CLIP1: variants seen among roughly 807,000 people sequenced by gnomAD.
CLIP1 encodes CAP-Gly domain-containing linker protein 1.
In CLIP1, 66 loss-of-function variants were observed where a neutral mutation model predicts 161.6. The observed-to-expected ratio is 0.41, with a 90% CI of 0.33 to 0.50. The LOEUF (loss-of-function observed/expected upper bound fraction) is 0.50. CLIP1 is among the 20% of genes least tolerant of loss of function. The probability of loss-of-function intolerance (pLI) is 0.27; values close to 1 mark genes in which losing one functional copy is unlikely to be tolerated. For synonymous variants in CLIP1, 598 were observed against 626.2 expected, an observed-to-expected ratio of 0.96 and a Z score of 0.67; for missense variants, 1,376 against 1,702.0, an observed-to-expected ratio of 0.81 and a Z score of 3.37.
intron 1 of CLIP1, among the ~76,000 whole-genome samples, chr12:122,403,202 C>T (rs944323231): frequency 6.6e-6 from 1 of 152,122 alleles, no homozygotes; most frequent in African/African-American, 2.4e-5. Context: ...TTTAATTGTT[C>T]TTAGCATAGA....
intron 10 of CLIP1, 86 bp downstream of exon 10, chr12:122,347,289 G>A (rs1952795885): frequency 2.0e-6 from 2 of 1,004,166 alleles, no homozygotes; most frequent in Non-Finnish European, 3.1e-6. Context: ...CTGGGTCAAG[G>A]CTCAGGCCAA....
At chr12:122,320,658 A>G (rs1367836794) in intron 17 of CLIP1, among the ~76,000 whole-genome samples, 4 of 151,226 alleles carry the variant, frequency 2.6e-5, no homozygotes, top group African/African-American at 9.7e-5. Flanking sequence ...CGGGAGGCAG[A>G]GGTTGCAGTG....
chr12:122,381,191 G>A (rs1007027741), intron 1 of CLIP1, among the ~76,000 whole-genome samples: 13 of 152,082 alleles, frequency 8.5e-5, no homozygotes, highest in South Asian at 2.1e-4. Context: ...CAAACAATGC[G>A]GGGAGAAAAA....
chr12:122,308,196 C>T (rs1035481617), intron 20 of CLIP1, among the ~76,000 whole-genome samples: 4 of 152,152 alleles, frequency 2.6e-5, no homozygotes, highest in Admixed American at 2.6e-4. Context: ...GTGACAGAGA[C>T]AAGAACTGTA....
At chr12:122,380,267 T>A (rs1329886083) in intron 2 of CLIP1, 101 bp downstream of exon 2, 1 of 701,492 alleles carries the variant, frequency 1.4e-6, no homozygotes, top group Admixed American at 3.5e-5. Context: ...ATCTTTCAAA[T>A]ATTTTCAAGA....
At chr12:122,365,092 G>C (rs1207426564) in intron 3 of CLIP1, among the ~76,000 whole-genome samples, 1 of 150,330 alleles carries the variant, frequency 6.7e-6, no homozygotes, top group Non-Finnish European at 1.5e-5. Flanking sequence ...TTGTGGGGTG[G>C]GGGGAGAGGA....
At position 122,355,132 on chromosome 12, in the gene CLIP1, G is replaced by A. The variant is rs373623005; in HGVS notation, c.1186C>T (p.Arg396Trp). ...GEIEQELALARDGHDQHVLEL... is the reference protein window; with the variant it reads ...GEIEQELALAWDGHDQHVLEL... ...GACTTCACCTGGTCATGTCCGTCCC[G>A]GGCCAGAGCTAGCTCCTGCTCTATC... is the stretch of plus-strand genomic sequence containing the variant. Residue 396 changes from arginine (R) to tryptophan (W), a missense_variant, in exon 6 of 26, where the codon CGG becomes TGG. Arg to Trp is a moderately radical substitution (Grantham distance 101, BLOSUM62 -3). This residue lies in a region of CLIP1 where 211 missense variants were observed against 295.1 expected (regional missense o/e 0.72). Coordinates refer to ENST00000620786, the MANE Select transcript of CLIP1 (RefSeq NM_001247997.2). The surrounding 1 kb of genome is among the most constrained non-coding windows in gnomAD (Gnocchi z 4.1). 3.1e-6 allele frequency: 5 copies of A among 1,613,960 alleles called. No homozygotes were observed. Among genetic ancestry groups the A allele is most frequent in the Non-Finnish European group, 2.5e-6 (3 of 1,179,986 alleles).
chr12:122,354,362 T>G, intron 7 of CLIP1, 91 bp downstream of exon 7: 1 of 913,854 alleles, frequency 1.1e-6, no homozygotes, highest in Non-Finnish European at 1.7e-6. Flanking sequence ...ACCACTGCAC[T>G]GCAGCCTGGG....
chr12:122,402,882 AATAG>A (rs1184379832), intron 1 of CLIP1, among the ~76,000 whole-genome samples: 2 of 152,172 alleles, frequency 1.3e-5, no homozygotes, highest in Non-Finnish European at 2.9e-5. Flanking sequence ...CTTTTTTCAT[AATAG>A]ATCTTTGAAA....
intron 3 of CLIP1, among the ~76,000 whole-genome samples, chr12:122,369,673 G>A (rs1021307243): frequency 6.6e-6 from 1 of 151,758 alleles, no homozygotes; most frequent in Non-Finnish European, 1.5e-5. Context: ...AACTGGTGAA[G>A]AGGGCTATGA....
chr12:122,352,834 C>T lies in CLIP1; in HGVS notation c.1308-48G>A, dbSNP rs181650831. On this transcript the variant is annotated intron_variant, in intron 7 of 25. Coordinates refer to ENST00000620786, the MANE Select transcript of CLIP1 (RefSeq NM_001247997.2). ...AACACTTAAGAAACTAAGTAACACACAGCCTTTAAAAAAACAAAACAAACA... is the reference window on the plus strand; with the variant it reads ...AACACTTAAGAAACTAAGTAACACATAGCCTTTAAAAAAACAAAACAAACA... 291 of 1,485,252 alleles carry T rather than the reference C, an allele frequency of 2.0e-4. No homozygotes were observed. In the African/African-American group the frequency reaches 3.5e-3, roughly 18 times the overall value. The allele number at this position is 1,485,252 out of a possible 1,614,324, so 92.0% of individuals were successfully genotyped here.
Position 122,319,479 on chromosome 12 carries a change from C to A in CLIP1, c.3250-131G>T. 8 of 671,416 alleles carry A rather than the reference C, an allele frequency of 1.2e-5. No individual in the cohort carries two copies. In the South Asian group the frequency reaches 1.2e-4, roughly 10 times the overall value. 41.6% of individuals were successfully genotyped at this position (671,416 alleles called of 1,614,324 possible). A position where few individuals can be genotyped will look rare whatever the true frequency, so the allele number is the denominator to read the frequency against. On this transcript the variant is annotated intron_variant, in intron 17 of 25. Coordinates refer to ENST00000620786, the MANE Select transcript of CLIP1 (RefSeq NM_001247997.2). ...AGGGAGGCACACAGAGAGGGTGAAT[C>A]AGTCACAATCCAGTGCTGAAACAGA...
At chr12:122,335,112 G>A (rs1348998024) in intron 12 of CLIP1, among the ~76,000 whole-genome samples, 2 of 152,188 alleles carry the variant, frequency 1.3e-5, no homozygotes, top group Non-Finnish European at 2.9e-5. Context: ...TTATTTCTGA[G>A]AGTAATCTAA....
intron 1 of CLIP1, among the ~76,000 whole-genome samples, chr12:122,398,323 G>C (rs935232050): frequency 2.8e-4 from 42 of 151,364 alleles, no homozygotes; most frequent in African/African-American, 1.0e-3. Context: ...CAGCTACTTG[G>C]GAGGCTGAGG....
At chr12:122,361,958 A>AT (rs879595634) in intron 4 of CLIP1, among the ~76,000 whole-genome samples, 1,555 of 146,366 alleles carry the variant, frequency 0.011, 15 homozygotes, top group African/African-American at 0.034. Context: ...AAAATGTATA[A>AT]TTTTTTTTTT....
rs1178435589 is a variant in CLIP1 at position 122,370,183 on chromosome 12, G to A, written c.658-6076C>T. Among the ~76,000 whole-genome samples the A allele has an allele frequency of 2.1e-5, 3 of 144,140 alleles. No homozygotes were observed. In the East Asian group the frequency reaches 6.5e-4, roughly 31 times the overall value. The allele number at this position is 144,140 out of a possible 152,430, so 94.6% of individuals were successfully genotyped here. A position where few individuals can be genotyped will look rare whatever the true frequency, so the allele number is the denominator to read the frequency against. On this transcript the variant is annotated intron_variant, in intron 3 of 25. Transcript: ENST00000620786. ...TCTCAAAAAAAAAAAAAAAGAAGAA[G>A]AAGAAAGAAAAGAAACAGCAAAGGG...
chr12:122,360,889 G>T, intron 5 of CLIP1, 70 bp downstream of exon 5: 1 of 1,270,378 alleles, frequency 7.9e-7, no homozygotes, highest in Non-Finnish European at 1.1e-6. Flanking sequence ...AAGCAGCAAA[G>T]CAGGGGCACT....
intron 1 of CLIP1, chr12:122,399,857 A>G (rs1485329809): frequency 6.6e-6 from 1 of 152,210 alleles, no homozygotes; most frequent in Non-Finnish European, 1.5e-5. Flanking sequence ...ACTTAATAAC[A>G]GAAGGTCAGG....
At chr12:122,421,031 C>T (rs1039238889) in intron 1 of CLIP1, among the ~76,000 whole-genome samples, 1 of 149,430 alleles carries the variant, frequency 6.7e-6, no homozygotes, top group East Asian at 2.1e-4. Context: ...TAACTAAGCA[C>T]CTGAAGTCAG....
Sources: gnomAD v4.1 joint callset for allele counts (sites outside exome capture counted in the v4.1 genomes callset) on GRCh38, gnomAD v4.1.1 for gene constraint, gnomAD v4.1.1 regional missense constraint, Gnocchi (gnomAD v3.1) non-coding constraint, MANE v1.5 for transcripts, NCBI Gene and HGNC (gene_info 2026-07-23, HGNC 2026-07-21) for gene names.